The following CCBE1 variants were observed in gnomAD, a reference collection of about 807,000 sequenced individuals.
CCBE1 encodes the protein collagen and calcium-binding EGF domain-containing protein 1.
CCBE1 carries 37 observed loss-of-function variants against 50.0 expected under a neutral mutation model. That is an observed-to-expected ratio of 0.74 (90% CI 0.57 to 0.97). CCBE1 has a LOEUF of 0.97. CCBE1 is among the 50% of genes least tolerant of loss of function. The pLI is 0.00. For synonymous variants in CCBE1, 234 were observed against 203.7 expected, an observed-to-expected ratio of 1.15 and a Z score of -1.27; for missense variants, 538 against 523.8, an observed-to-expected ratio of 1.03 and a Z score of -0.26.
chr18:59,637,525 A>G lies in CCBE1; in HGVS notation c.212+59104T>C, dbSNP rs139036743. On this transcript the variant is annotated intron_variant, in intron 2 of 10. Transcript: ENST00000439986. ...TAGCCTACAGATAAAGAAGTAGCAT[A>G]AAGAAAGCTAAGGTGTACAAAGGAA... Among the ~76,000 whole-genome samples, 7 of 152,314 alleles carry G rather than the reference A, an allele frequency of 4.6e-5. No individual in the cohort carries two copies. The East Asian group carries it at 1.4e-3, about 29-fold the overall frequency.
chr18:59,514,037 G>C (rs1306849534), intron 2 of CCBE1, among the ~76,000 whole-genome samples: 3 of 152,136 alleles, frequency 2.0e-5, no homozygotes, highest in Non-Finnish European at 4.4e-5. Flanking sequence ...CTTGCATGGG[G>C]CCGTGGCTTT....
intron 2 of CCBE1, among the ~76,000 whole-genome samples, chr18:59,650,008 G>T (rs2054106469): frequency 1.3e-5 from 2 of 152,050 alleles, no homozygotes; most frequent in Admixed American, 1.3e-4. Flanking sequence ...ACTTGGGGGT[G>T]GGGGAGCACA....
chr18:59,494,752 C>G (rs1275209038), intron 2 of CCBE1, among the ~76,000 whole-genome samples: 1 of 152,180 alleles, frequency 6.6e-6, no homozygotes, highest in Non-Finnish European at 1.5e-5. Context: ...TCAGTTTGAA[C>G]ATGCTGCTTA....
chr18:59,669,575 C>G (rs939147568), intron 2 of CCBE1, among the ~76,000 whole-genome samples: 14 of 152,260 alleles, frequency 9.2e-5, no homozygotes, highest in Non-Finnish European at 4.4e-5. Flanking sequence ...ACCTACGTGG[C>G]TCCAGGCTGT....
At chr18:59,617,517 A>C (rs2053652765) in intron 2 of CCBE1, among the ~76,000 whole-genome samples, 1 of 152,210 alleles carries the variant, frequency 6.6e-6, no homozygotes, top group Non-Finnish European at 1.5e-5. Flanking sequence ...GTTTTCCACC[A>C]GGGAGGTAAC....
intron 2 of CCBE1, among the ~76,000 whole-genome samples, chr18:59,669,570 C>T (rs756343827): frequency 2.6e-5 from 4 of 152,224 alleles, no homozygotes; most frequent in African/African-American, 4.8e-5. Flanking sequence ...TGTGCACCTA[C>T]GTGGCTCCAG....
chr18:59,499,170 A>G (rs1913495308), intron 2 of CCBE1, among the ~76,000 whole-genome samples: 1 of 152,224 alleles, frequency 6.6e-6, no homozygotes, highest in Non-Finnish European at 1.5e-5. Context: ...AATGGACACC[A>G]TAAGAAGATA....
At chr18:59,572,275 T>C (rs527638632) in intron 2 of CCBE1, among the ~76,000 whole-genome samples, 1 of 152,344 alleles carries the variant, frequency 6.6e-6, no homozygotes, top group Admixed American at 6.5e-5. Flanking sequence ...AGTATTATTG[T>C]AGCTGTCACA....
chr18:59,444,485 CA>C (rs1428708911), intron 7 of CCBE1, among the ~76,000 whole-genome samples: 1 of 151,048 alleles, frequency 6.6e-6, no homozygotes, highest in Non-Finnish European at 1.5e-5. Context: ...CCCAGGGTTC[CA>C]ATTTTTCCAT....
intron 2 of CCBE1, among the ~76,000 whole-genome samples, chr18:59,601,424 C>CT (rs1264143521): frequency 1.4e-4 from 22 of 152,124 alleles, no homozygotes; most frequent in Non-Finnish European, 3.2e-4. Context: ...ACTCTCTTGC[C>CT]TGCCACCATG....
Position 59,547,085 on chromosome 18 carries a change from G to GAA in CCBE1, c.213-66848_213-66847insTT, listed in dbSNP as rs1459269869. Among the ~76,000 whole-genome samples, 13 of 141,250 alleles carry GAA rather than the reference G, an allele frequency of 9.2e-5. 1 individual carries two copies. Among genetic ancestry groups the GAA allele is most frequent in the South Asian group, 2.6e-4 (1 of 3,880 alleles). The allele number at this position is 141,250 out of a possible 152,430, so 92.7% of individuals were successfully genotyped here. On this transcript the variant is annotated intron_variant, in intron 2 of 10. Coordinates refer to ENST00000439986, the MANE Select transcript of CCBE1 (RefSeq NM_133459.4). ...AGGGGGAGAGAGGGGGAGAGAAAGG[G>GAA]AGAGAGAGGGAGGTAGGGAGAGGGA...
At chr18:59,529,267 G>A (rs762422814) in intron 2 of CCBE1, among the ~76,000 whole-genome samples, 4 of 152,238 alleles carry the variant, frequency 2.6e-5, no homozygotes, top group Non-Finnish European at 5.9e-5. Context: ...CAGCTGCTGT[G>A]CTGTGCTGTG....
chr18:59,480,648 G>A (rs1317004559), intron 2 of CCBE1, among the ~76,000 whole-genome samples: 1 of 151,854 alleles, frequency 6.6e-6, no homozygotes, highest in Admixed American at 6.6e-5. Flanking sequence ...AACAATACTT[G>A]GCTAATTATA....
At chr18:59,497,850 G>A (rs994581536) in intron 2 of CCBE1, among the ~76,000 whole-genome samples, 1 of 152,172 alleles carries the variant, frequency 6.6e-6, no homozygotes, top group African/African-American at 2.4e-5. Context: ...ACAGAGAGGG[G>A]TATCTCCCAG....
intron 2 of CCBE1, among the ~76,000 whole-genome samples, chr18:59,647,292 G>C (rs375799577): frequency 1.3e-5 from 2 of 152,104 alleles, no homozygotes; most frequent in Non-Finnish European, 2.9e-5. Context: ...TTAAATGGCT[G>C]TATAATTAGT....
At chr18:59,657,088 G>C (rs968552415) in intron 2 of CCBE1, among the ~76,000 whole-genome samples, 2 of 152,146 alleles carry the variant, frequency 1.3e-5, no homozygotes, top group African/African-American at 4.8e-5. Context: ...CCATTTCCTT[G>C]GTCCCTGCAT....
At chr18:59,657,558 C>G (rs1301053636) in intron 2 of CCBE1, among the ~76,000 whole-genome samples, 4 of 152,188 alleles carry the variant, frequency 2.6e-5, no homozygotes, top group Non-Finnish European at 5.9e-5. Context: ...TGACACCACT[C>G]TTTAGGCTCA....
chr18:59,667,992 G>C (rs111631298), intron 2 of CCBE1, among the ~76,000 whole-genome samples: 2,845 of 152,236 alleles, frequency 0.019, 86 homozygotes, highest in African/African-American at 0.066. Context: ...GGGGAGCTAG[G>C]GGAGGGATAG....
At chr18:59,443,975 A>G (rs1455738365) in intron 7 of CCBE1, among the ~76,000 whole-genome samples, 1 of 152,190 alleles carries the variant, frequency 6.6e-6, no homozygotes, top group East Asian at 1.9e-4. Flanking sequence ...TACCTTATAT[A>G]AGTGTTAATT....
Sources: gnomAD v4.1 joint callset for allele counts (sites outside exome capture counted in the v4.1 genomes callset) on GRCh38, gnomAD v4.1.1 for gene constraint, MANE v1.5 for transcripts, NCBI Gene and HGNC (gene_info 2026-07-23, HGNC 2026-07-21) for gene names.